TRPC3: variants seen among roughly 807,000 people sequenced by gnomAD.
TRPC3 encodes the protein short transient receptor potential channel 3.
TRPC3 carries 54 observed loss-of-function variants against 90.9 expected under a neutral mutation model. The observed-to-expected ratio is 0.59, with a 90% CI of 0.48 to 0.75. TRPC3 has a LOEUF of 0.75. Ranked by LOEUF, TRPC3 falls within the 30% of genes least tolerant of loss-of-function variation. The pLI, the probability that TRPC3 is intolerant of heterozygous loss-of-function variation, is 0.00. For missense variants in TRPC3, 918 were observed against 1,194.5 expected (o/e 0.77, Z 3.41); for synonymous variants, 424 against 450.9 (o/e 0.94, Z 0.75).
In TRPC3 at chr4:121,914,849, G is replaced by A. The variant is rs1450601431; in HGVS notation, c.1272C>T (p.Leu424=). 4 of 1,613,928 alleles carry A rather than the reference G, an allele frequency of 2.5e-6. No homozygotes were observed. The highest frequency in any genetic ancestry group is 1.7e-5 in the Admixed American group (1 of 60,004). The change falls in exon 4 of 12, where the codon CTC becomes CTT. Residue 424 remains leucine (L), a synonymous_variant. Transcript: ENST00000379645. ...LREQTIAIKC[L]VVLVVALGLP... is the part of the protein sequence containing the mutation. ...GGCCCAGGGCCACGACCAGCACAAC[G>A]AGACACTTGATAGCTATGGTCTGCT...
intron 10 of TRPC3, among the ~76,000 whole-genome samples, chr4:121,895,409 A>T (rs1331200881): frequency 6.6e-6 from 1 of 152,050 alleles, no homozygotes; most frequent in African/African-American, 2.4e-5. Context: ...AGTTTTTTTT[A>T]AAAAGATAAA....
rs145740222 is a variant in TRPC3 at position 121,911,859 on chromosome 4, T to G, written c.1558+18A>C. 8.9e-5 allele frequency: 142 copies of G among 1,591,428 alleles called. No homozygotes were observed. The East Asian group carries it at 2.7e-3, about 31-fold the overall frequency. Reference sequence around the variant, plus strand: ...TACCTTTTGGTAGAAATTAGGATATTTAAAATAAAAGACTTACCAAGAACC... The same window carrying G: ...TACCTTTTGGTAGAAATTAGGATATGTAAAATAAAAGACTTACCAAGAACC... On this transcript the variant is annotated intron_variant, in intron 5 of 11. Transcript: ENST00000379645.
At position 121,877,778 on chromosome 4, in the gene TRPC3, CAAAAA is replaced by C. The variant is rs199924407; in HGVS notation, c.*1953_*1957del. Reference sequence around the variant, plus strand: ...GCTCTACAGTTGTGAGGGGCATGGACAAAAAAAAAAAAAAAAAAAAGTCAGCTTTT... The same window carrying C: ...GCTCTACAGTTGTGAGGGGCATGGACAAAAAAAAAAAAAAAGTCAGCTTTT... On this transcript the variant is annotated 3_prime_UTR_variant, in exon 12 of 12. Transcript: ENST00000379645. Among the ~76,000 whole-genome samples the C allele has an allele frequency of 7.5e-5, 9 of 119,652 alleles. No homozygotes were observed. The highest frequency in any genetic ancestry group is 2.4e-4 in the East Asian group (1 of 4,228). The allele number at this position is 119,652 out of a possible 152,430, so 78.5% of individuals were successfully genotyped here.
chr4:121,898,653 A>C (rs1728599078), intron 10 of TRPC3, among the ~76,000 whole-genome samples: 1 of 152,222 alleles, frequency 6.6e-6, no homozygotes, highest in South Asian at 2.1e-4. Flanking sequence ...ATATAGTTTC[A>C]TATAGCTAGA....
chr4:121,878,117 GAC>G lies in TRPC3; in HGVS notation c.*1617_*1618del, dbSNP rs1727819426. ...AATTCAATATTTTATTCAGTTCTGA[GAC>G]ACAACATAAAGTACATAAAGTTTGA... On this transcript the variant is annotated 3_prime_UTR_variant, in exon 12 of 12. Coordinates refer to ENST00000379645, the MANE Select transcript of TRPC3 (RefSeq NM_001130698.2). Among the ~76,000 whole-genome samples, 1 of 152,094 alleles carries G rather than the reference GAC, an allele frequency of 6.6e-6. No individual in the cohort carries two copies. Among genetic ancestry groups the G allele is most frequent in the Admixed American group, 6.6e-5 (1 of 15,266 alleles).
rs544266547 is a variant in TRPC3 at position 121,929,286 on chromosome 4, A to AT, written c.987+2984dup. Among the ~76,000 whole-genome samples the AT allele has an allele frequency of 3.0e-4, 46 of 151,934 alleles. 1 individual carries two copies. The East Asian group carries it at 7.3e-3, about 24-fold the overall frequency. On this transcript the variant is annotated intron_variant, in intron 2 of 11. Transcript: ENST00000379645. ...GTCACCTTGCTTTTGGATTATATTC[A>AT]TTTTTTTTCTTCCTTACAGCTGTAG...
intron 11 of TRPC3, among the ~76,000 whole-genome samples, chr4:121,880,871 T>C (rs1727917863): frequency 2.0e-5 from 3 of 152,104 alleles, no homozygotes; most frequent in Admixed American, 2.0e-4. Flanking sequence ...TCAATATTCT[T>C]CTATTATATA....
rs145796726 is a variant in TRPC3 at position 121,902,885 on chromosome 4, A to G, written c.2430T>C (p.Asp810=). 3.4e-5 allele frequency: 55 copies of G among 1,612,456 alleles called. No homozygotes were observed. In the Middle Eastern group the frequency reaches 8.2e-4, roughly 24 times the overall value. Residue 810 remains aspartate, a synonymous_variant, in exon 9 of 12, where the codon GAT becomes GAC. Coordinates refer to ENST00000379645, the MANE Select transcript of TRPC3 (RefSeq NM_001130698.2). Reference sequence around the variant, plus strand: ...TTGAGTTACCCATTCCCATTTCTATATCCTTCTGAAGCCTTCTCCTTCTGC... The same window carrying G: ...TTGAGTTACCCATTCCCATTTCTATGTCCTTCTGAAGCCTTCTCCTTCTGC... ...PKCRRRRLQK[D]IEMGMGNSKS...
At chr4:121,915,086 G>A in intron 3 of TRPC3, 142 bp from the exon 4 acceptor site, 4 of 658,190 alleles carry the variant, frequency 6.1e-6, no homozygotes, top group Non-Finnish European at 9.0e-6. Context: ...GAAGGTTCTG[G>A]TAATATTCTT....
intron 10 of TRPC3, among the ~76,000 whole-genome samples, chr4:121,888,175 T>C (rs962694771): frequency 1.3e-5 from 2 of 152,120 alleles, no homozygotes; most frequent in African/African-American, 4.8e-5. Context: ...CAAAACATTT[T>C]TGAAACTCTT....
At chr4:121,915,080 G>T (rs142745865) in intron 3 of TRPC3, 136 bp from the exon 4 acceptor site, 8 of 700,228 alleles carry the variant, frequency 1.1e-5, no homozygotes, top group African/African-American at 5.3e-5. Context: ...GTACTGGAAG[G>T]TTCTGGTAAT....
At chr4:121,942,986 A>T (rs1730369731) in intron 1 of TRPC3, among the ~76,000 whole-genome samples, 1 of 152,178 alleles carries the variant, frequency 6.6e-6, no homozygotes, top group Non-Finnish European at 1.5e-5. Flanking sequence ...TAAACCAACT[A>T]CTGTATTGCT....
chr4:121,875,142 A>C lies in TRPC3; in HGVS notation c.*4594T>G, dbSNP rs1296212257. Reference sequence around the variant, plus strand: ...TTCTAATAAATAGGTAAAAAAAAAAACACCAAAGACAGACAATGCTGGCAG... The same window carrying C: ...TTCTAATAAATAGGTAAAAAAAAAACCACCAAAGACAGACAATGCTGGCAG... On this transcript the variant is annotated 3_prime_UTR_variant, in exon 12 of 12. Transcript: ENST00000379645. 4.8e-5 allele frequency among the ~76,000 whole-genome samples: 7 copies of C among 145,770 alleles called. No homozygotes were observed. Among genetic ancestry groups the C allele is most frequent in the East Asian group, 2.0e-4 (1 of 5,006 alleles).
intron 10 of TRPC3, among the ~76,000 whole-genome samples, chr4:121,885,132 C>T (rs1319027215): frequency 6.6e-6 from 1 of 152,316 alleles, no homozygotes; most frequent in Middle Eastern, 3.4e-3. Context: ...TGAGATTAGA[C>T]AGAAATCAGT....
chr4:121,914,913 A>G lies in TRPC3; in HGVS notation c.1208T>C (p.Leu403Pro), dbSNP rs1176767907. Reference protein sequence around the residue: ...FVAHPNCQQQLLTIWYENLSG... With the variant: ...FVAHPNCQQQPLTIWYENLSG... ...GAGGTTCTCATACCAGATCGTCAAG[A>G]GCTGCTGCTGGCAGTTGGGATGAGC... The change falls in exon 4 of 12, where the codon CTC becomes CCC. Residue 403 changes from leucine to proline, a missense_variant. Coordinates refer to ENST00000379645, the MANE Select transcript of TRPC3 (RefSeq NM_001130698.2). 6.2e-7 allele frequency: 1 copy of G among 1,610,194 alleles called. No individual in the cohort carries two copies. The highest frequency in any genetic ancestry group is 1.7e-5 in the Admixed American group (1 of 59,928).
chr4:121,903,192 T>TG, intron 8 of TRPC3, 131 bp from the exon 9 acceptor site: 1 of 710,466 alleles, frequency 1.4e-6, no homozygotes. Flanking sequence ...TTTATCTACA[T>TG]ATATTCTATA....
intron 1 of TRPC3, among the ~76,000 whole-genome samples, chr4:121,934,625 G>A (rs1220542888): frequency 1.3e-5 from 2 of 152,114 alleles, no homozygotes; most frequent in Non-Finnish European, 2.9e-5. Flanking sequence ...AACTGTATTC[G>A]TGGAGTCAGG....
intron 3 of TRPC3, among the ~76,000 whole-genome samples, chr4:121,916,673 G>A (rs1417233884): frequency 6.6e-6 from 1 of 152,058 alleles, no homozygotes; most frequent in Non-Finnish European, 1.5e-5. Context: ...TCACTATGCT[G>A]GCATCCTCAT....
At chr4:121,933,139 C>G (rs1055484632) in intron 1 of TRPC3, 97 bp from the exon 2 acceptor site, 1 of 1,443,242 alleles carries the variant, frequency 6.9e-7, no homozygotes, top group African/African-American at 1.4e-5. Context: ...CTACCCACTG[C>G]AAACCTCTGG....
Sources: gnomAD v4.1 joint callset for allele counts (sites outside exome capture counted in the v4.1 genomes callset) on GRCh38, gnomAD v4.1.1 for gene constraint, MANE v1.5 for transcripts, NCBI Gene and HGNC (gene_info 2026-07-23, HGNC 2026-07-21) for gene names.